CDK5RAP3: variants seen among roughly 807,000 people sequenced by gnomAD.
The protein encoded by CDK5RAP3 is CDK5 regulatory subunit-associated protein 3.
CDK5RAP3 carries 58 observed loss-of-function variants against 73.3 expected under a neutral mutation model. The observed-to-expected ratio is 0.79, with a 90% CI of 0.64 to 0.98. CDK5RAP3 has a LOEUF of 0.98. Ranked by LOEUF, CDK5RAP3 falls within the 50% of genes least tolerant of loss-of-function variation. The probability of loss-of-function intolerance (pLI) is 0.00; values close to 1 mark genes in which losing one functional copy is unlikely to be tolerated. For synonymous variants in CDK5RAP3, 224 were observed against 247.5 expected, an observed-to-expected ratio of 0.91 and a Z score of 0.89; for missense variants, 525 against 615.8, an observed-to-expected ratio of 0.85 and a Z score of 1.56.
At chr17:47,976,996 C>T (rs985463099) in intron 9 of CDK5RAP3, among the ~76,000 whole-genome samples, 174 bp downstream of exon 9, 1 of 152,152 alleles carries the variant, frequency 6.6e-6, no homozygotes, top group Non-Finnish European at 1.5e-5. Flanking sequence ...TTTTTTGAGA[C>T]AGAGTCTCAT....
intron 10 of CDK5RAP3, chr17:47,978,627 C>T: frequency 3.5e-6 from 2 of 565,846 alleles, no homozygotes; most frequent in Non-Finnish European, 3.2e-6. Flanking sequence ...TGGTCCTCCT[C>T]TCAGTCTGGG....
chr17:47,977,370 G>A (rs1041695845), intron 9 of CDK5RAP3, among the ~76,000 whole-genome samples: 4 of 151,838 alleles, frequency 2.6e-5, no homozygotes, highest in African/African-American at 7.3e-5. Flanking sequence ...AGATGGTCTC[G>A]ATCTCCTGAC....
intron 2 of CDK5RAP3, among the ~76,000 whole-genome samples, chr17:47,971,794 A>C (rs2036276411): frequency 1.3e-5 from 2 of 152,090 alleles, no homozygotes; most frequent in African/African-American, 4.8e-5. Context: ...ACATGGAGAA[A>C]CCTTGTCTCC....
Position 47,971,350 on chromosome 17 carries a change from G to T in CDK5RAP3, c.7-12G>T, listed in dbSNP as rs1018338766. ...GCGCTCACGCCCCCCTCCTCACCGT[G>T]TTTCCCGCCAGGACCATCAGCACGT... On this transcript the variant is annotated splice_polypyrimidine_tract_variant and intron_variant, in intron 1 of 13. Transcript: ENST00000338399. 4 of 1,609,564 alleles carry T rather than the reference G, an allele frequency of 2.5e-6. No individual in the cohort carries two copies. Among genetic ancestry groups the T allele is most frequent in the Non-Finnish European group, 3.4e-6 (4 of 1,178,212 alleles).
chr17:47,971,301 G>T, intron 1 of CDK5RAP3, 61 bp from the exon 2 acceptor site: 3 of 1,570,316 alleles, frequency 1.9e-6, no homozygotes, highest in Non-Finnish European at 2.6e-6. Context: ...TGAAATGAGC[G>T]CGCGAGTGGT....
rs781488369 is a variant in CDK5RAP3 at position 47,981,506 on chromosome 17, C to T, written c.*4C>T. ...CCTGATGGGAACCTCTCTGTGACAC[C>T]CTCCGTGTTCTTGCCTGCCCATCTT... On this transcript the variant is annotated 3_prime_UTR_variant, in exon 14 of 14. Coordinates refer to ENST00000338399, the MANE Select transcript of CDK5RAP3 (RefSeq NM_176096.3). The T allele has an allele frequency of 2.5e-6, 4 of 1,614,076 alleles. No homozygotes were observed. Among genetic ancestry groups the T allele is most frequent in the Non-Finnish European group, 3.4e-6 (4 of 1,180,048 alleles).
rs1028129510 is a variant in CDK5RAP3 at position 47,976,022 on chromosome 17, G to C, written c.798+9G>C. 5 of 1,613,332 alleles carry C rather than the reference G, an allele frequency of 3.1e-6. No homozygotes were observed. The Admixed American group carries it at 6.7e-5, about 22-fold the overall frequency. ...AGGTGGCAGAAGATGCGGTAAGATGGGCCTTGTGATGAGCTGTAGGAGTGG... is the reference window on the plus strand; with the variant it reads ...AGGTGGCAGAAGATGCGGTAAGATGCGCCTTGTGATGAGCTGTAGGAGTGG... On this transcript the variant is annotated intron_variant, in intron 8 of 13. Transcript: ENST00000338399.
rs1355618887 is a variant in CDK5RAP3, at chr17:47,981,704, A to G, written c.*202A>G. On this transcript the variant is annotated 3_prime_UTR_variant, in exon 14 of 14. Transcript: ENST00000338399. ...GCTGTGGTGATTGGCCCTGTGGTCT[A>G]TCAGGCGAAAACCACAGATTCTCCT... is the stretch of plus-strand genomic sequence containing the variant. 3 of 1,533,750 alleles carry G rather than the reference A, an allele frequency of 2.0e-6. No individual in the cohort carries two copies. Among genetic ancestry groups the G allele is most frequent in the East Asian group, 2.5e-5 (1 of 40,738 alleles).
In CDK5RAP3 at chr17:47,975,334, C is replaced by G; in HGVS notation, c.510C>G (p.Ile170Met). 5.0e-6 allele frequency: 8 copies of G among 1,613,610 alleles called. No homozygotes were observed. The highest frequency in any genetic ancestry group is 6.8e-6 in the Non-Finnish European group (8 of 1,179,618). Residue 170 changes from isoleucine to methionine, a missense_variant, in exon 6 of 14, where the codon ATC becomes ATG. Transcript: ENST00000338399. ...ACCACTCCTGCAAGCAGTATGGCAT[C>G]ACGGTGAGCGGCGGCAGCCTCTTCG... ...QFYHSCKQYG[I>M]TGENVRGELL...
rs2036423309 is a variant in CDK5RAP3, at chr17:47,976,728, T to C, written c.815T>C (p.Phe272Ser). The C allele has an allele frequency of 3.1e-6, 5 of 1,611,718 alleles. No individual in the cohort carries two copies. Among genetic ancestry groups the C allele is most frequent in the Non-Finnish European group, 4.2e-6 (5 of 1,178,506 alleles). The change falls in exon 9 of 14, where the codon TTT (phenylalanine) becomes TCT (serine). Residue 272 changes from phenylalanine (F) to serine (S), a missense_variant. Around this residue, in one of 2 missense-constraint regions of CDK5RAP3, gnomAD observed 409 missense variants for 429.8 expected, o/e 0.95. Transcript: ENST00000338399. ...VAEDAIDWGD[F>S]GVEAVSEGTD... ...CCTTTCCAGATTGACTGGGGCGACT[T>C]TGGGGTAGAGGCAGTGTCTGAGGGG...
Position 47,975,283 on chromosome 17 carries a change from G to A in CDK5RAP3, c.459G>A (p.Gly153=). The part of the protein sequence containing the change: ...YSRKEEECQA[G]AAEMREQFYH... ...GCAAGGAGGAGGAGTGCCAGGCAGG[G>A]GCTGCCGAGATGCGGGAGCAGTTCT... Residue 153 remains glycine (G), a synonymous_variant, in exon 6 of 14, where the codon GGG becomes GGA. Coordinates refer to ENST00000338399, the MANE Select transcript of CDK5RAP3 (RefSeq NM_176096.3). 1 of 1,614,170 alleles carries A rather than the reference G, an allele frequency of 6.2e-7. No homozygotes were observed. Among genetic ancestry groups the A allele is most frequent in the Non-Finnish European group, 8.5e-7 (1 of 1,180,038 alleles).
intron 3 of CDK5RAP3, 83 bp downstream of exon 3, chr17:47,973,733 C>T (rs899113595): frequency 6.4e-7 from 1 of 1,560,878 alleles, no homozygotes. Flanking sequence ...GTTATTTAGC[C>T]ACCAGGGCTG....
chr17:47,975,913 G>C lies in CDK5RAP3; in HGVS notation c.698G>C (p.Arg233Pro). 1.2e-6 allele frequency: 2 copies of C among 1,614,210 alleles called. No homozygotes were observed. Among genetic ancestry groups the C allele is most frequent in the Non-Finnish European group, 1.7e-6 (2 of 1,180,034 alleles). The change falls in exon 8 of 14, where the codon CGG (arginine) becomes CCG (proline). Residue 233 changes from arginine (R) to proline (P), a missense_variant. Arg to Pro is a moderately radical substitution (Grantham distance 103, BLOSUM62 -2). Transcript: ENST00000338399. ...CCAATGCTGCGGTTCGTGCAGAAGC[G>C]GGGAAACTCAACGGTGTACGAGTGG... ...VLPMLRFVQK[R>P]GNSTVYEWRT...
At chr17:47,977,479 C>T (rs1271600035) in intron 9 of CDK5RAP3, among the ~76,000 whole-genome samples, 2 of 152,108 alleles carry the variant, frequency 1.3e-5, no homozygotes, top group Non-Finnish European at 2.9e-5. Context: ...GACAGGGTTT[C>T]GCCGTGTTGG....
chr17:47,974,581 G>A, intron 5 of CDK5RAP3, 133 bp downstream of exon 5: 1 of 1,517,786 alleles, frequency 6.6e-7, no homozygotes, highest in Non-Finnish European at 8.8e-7. Flanking sequence ...CCATTTGTAG[G>A]TGGTAAAATC....
chr17:47,980,896 C>A, intron 12 of CDK5RAP3, 98 bp downstream of exon 12: 1 of 1,279,804 alleles, frequency 7.8e-7, no homozygotes, highest in Non-Finnish European at 1.1e-6. Context: ...CCCATCCCTG[C>A]CTCCTGGCCA....
intron 1 of CDK5RAP3, 35 bp downstream of exon 1, chr17:47,971,187 G>A (rs777950478): frequency 6.5e-7 from 1 of 1,537,036 alleles, no homozygotes; most frequent in South Asian, 1.2e-5. Context: ...CTGGGGACTG[G>A]CCGCGGACCC....
chr17:47,970,346 G>C (rs35273388), upstream of CDK5RAP3, among the ~76,000 whole-genome samples: 3,627 of 152,204 alleles, frequency 0.024, 133 homozygotes, highest in African/African-American at 0.082. Flanking sequence ...TCATCATTTT[G>C]TAACAAGCAG....
At position 47,976,754 on chromosome 17, in the gene CDK5RAP3, A is replaced by G; in HGVS notation, c.841A>G (p.Thr281Ala). ...TGGGGTAGAGGCAGTGTCTGAGGGGACTGACTCTGGCATCTCTGCCGAGGC... is the reference window on the plus strand; with the variant it reads ...TGGGGTAGAGGCAGTGTCTGAGGGGGCTGACTCTGGCATCTCTGCCGAGGC... Reference protein sequence around the residue: ...DFGVEAVSEGTDSGISAEAAG... With the variant: ...DFGVEAVSEGADSGISAEAAG... Residue 281 changes from threonine (T) to alanine (A), a missense_variant, in exon 9 of 14, where the codon ACT (threonine) becomes GCT (alanine). Thr to Ala is a moderately conservative substitution (Grantham distance 58). Around this residue, in one of 2 missense-constraint regions of CDK5RAP3, gnomAD observed 409 missense variants for 429.8 expected, o/e 0.95. Coordinates refer to ENST00000338399, the MANE Select transcript of CDK5RAP3 (RefSeq NM_176096.3). The G allele has an allele frequency of 6.2e-7, 1 of 1,612,912 alleles. No individual in the cohort carries two copies.
Sources: gnomAD v4.1 joint callset for allele counts (sites outside exome capture counted in the v4.1 genomes callset) on GRCh38, gnomAD v4.1.1 for gene constraint, gnomAD v4.1.1 regional missense constraint, MANE v1.5 for transcripts, NCBI Gene and HGNC (gene_info 2026-07-23, HGNC 2026-07-21) for gene names.